The following PAK5 variants were observed in gnomAD, a reference collection of about 807,000 sequenced individuals.
PAK5 encodes the protein p21 (RAC1) activated kinase 5, also known as serine/threonine-protein kinase PAK 5.
A neutral mutation model predicts 65.9 loss-of-function variants in PAK5; 16 were observed. The observed-to-expected ratio is 0.24, with a 90% CI of 0.16 to 0.37. PAK5 has a LOEUF of 0.37. Ranked by LOEUF, PAK5 falls within the 10% of genes least tolerant of loss-of-function variation. PAK5 has a pLI of 1.00. For synonymous variants in PAK5, 371 were observed against 354.9 expected, an observed-to-expected ratio of 1.05 and a Z score of -0.51; for missense variants, 785 against 903.9, an observed-to-expected ratio of 0.87 and a Z score of 1.69.
At chr20:9,772,284 G>T in intron 1 of PAK5, among the ~76,000 whole-genome samples, 1 of 152,160 alleles carries the variant, frequency 6.6e-6, no homozygotes, top group Middle Eastern at 3.2e-3. Context: ...AGCTGGGGGA[G>T]GTATAATTGG....
At chr20:9,836,440 C>T (rs1350422298) in intron 1 of PAK5, among the ~76,000 whole-genome samples, 3 of 152,116 alleles carry the variant, frequency 2.0e-5, no homozygotes, top group Admixed American at 1.3e-4. Flanking sequence ...GAGGAAGATG[C>T]CATGTGAATA....
intron 1 of PAK5, among the ~76,000 whole-genome samples, chr20:9,786,950 T>C (rs1223243434): frequency 6.6e-6 from 1 of 152,166 alleles, no homozygotes; most frequent in Non-Finnish European, 1.5e-5. Context: ...TAAATAGATT[T>C]AAAATAGGCT....
rs747524567 is a variant in PAK5, at chr20:9,566,211, C to G, written c.1164G>C (p.Leu388=). Reference sequence around the variant, plus strand: ...TGGAGATGTACTGCGAACTGCTCTGCAGGGAGGGGTGATGGTACAAGGTGG... The same window carrying G: ...TGGAGATGTACTGCGAACTGCTCTGGAGGGAGGGGTGATGGTACAAGGTGG... ...HKATLYHHPS[L]QSSSQYISTA... Residue 388 remains leucine, a synonymous_variant, in exon 5 of 10, where the codon CTG becomes CTC. Transcript: ENST00000353224. 17 of 1,613,668 alleles carry G rather than the reference C, an allele frequency of 1.1e-5. No individual in the cohort carries two copies. The highest frequency in any genetic ancestry group is 3.3e-4 in the Middle Eastern group (2 of 6,082).
At chr20:9,737,684 T>C (rs904245516) in intron 1 of PAK5, among the ~76,000 whole-genome samples, 5 of 152,192 alleles carry the variant, frequency 3.3e-5, no homozygotes, top group African/African-American at 1.2e-4. Context: ...CTTTAATGAA[T>C]AGCCCTTCAT....
intron 2 of PAK5, among the ~76,000 whole-genome samples, chr20:9,685,866 G>T (rs1798487479): frequency 6.6e-6 from 1 of 152,144 alleles, no homozygotes; most frequent in African/African-American, 2.4e-5. Flanking sequence ...TCTGTGTTAT[G>T]AAGTACAGCC....
intron 2 of PAK5, among the ~76,000 whole-genome samples, chr20:9,689,144 C>G (rs1203869182): frequency 1.3e-5 from 2 of 152,194 alleles, no homozygotes; most frequent in Non-Finnish European, 2.9e-5. Context: ...ACATTTCTCT[C>G]CTCAGGTACT....
At chr20:9,761,658 T>C (rs2048701569) in intron 1 of PAK5, among the ~76,000 whole-genome samples, 1 of 152,148 alleles carries the variant, frequency 6.6e-6, no homozygotes, top group South Asian at 2.1e-4. Context: ...TACAAAGCTA[T>C]AGTAATCAAA....
intron 7 of PAK5, among the ~76,000 whole-genome samples, chr20:9,554,507 C>T (rs1454236872): frequency 6.6e-6 from 1 of 152,150 alleles, no homozygotes; most frequent in African/African-American, 2.4e-5. Flanking sequence ...TATCTAACCA[C>T]AAGTCAGAGC....
intron 1 of PAK5, among the ~76,000 whole-genome samples, chr20:9,814,196 A>G (rs559986160): frequency 5.1e-4 from 78 of 152,264 alleles, no homozygotes; most frequent in Non-Finnish European, 9.3e-4. Context: ...AGAAAAGGGT[A>G]CTATAAACAA....
At chr20:9,737,561 C>T (rs1355877291) in intron 1 of PAK5, among the ~76,000 whole-genome samples, 2 of 152,016 alleles carry the variant, frequency 1.3e-5, no homozygotes, top group Non-Finnish European at 2.9e-5. Context: ...AATGCTATCT[C>T]AATAACTGAT....
intron 2 of PAK5, among the ~76,000 whole-genome samples, chr20:9,709,752 T>G (rs533990426): frequency 6.6e-6 from 1 of 152,300 alleles, no homozygotes; most frequent in South Asian, 2.1e-4. Context: ...TGCTGAGATC[T>G]TAAAATATCG....
At chr20:9,620,812 C>T (rs2046754088) in intron 3 of PAK5, among the ~76,000 whole-genome samples, 1 of 152,016 alleles carries the variant, frequency 6.6e-6, no homozygotes. Context: ...CTGCATGACG[C>T]CATCAGTCCC....
At chr20:9,542,249 G>A (rs1456408152) in intron 9 of PAK5, among the ~76,000 whole-genome samples, 1 of 152,176 alleles carries the variant, frequency 6.6e-6, no homozygotes, top group African/African-American at 2.4e-5. Flanking sequence ...CATGCACGGT[G>A]ACATCCCAAG....
intron 7 of PAK5, among the ~76,000 whole-genome samples, chr20:9,556,910 A>C (rs2045516146): frequency 6.6e-6 from 1 of 152,178 alleles, no homozygotes; most frequent in Non-Finnish European, 1.5e-5. Flanking sequence ...GGACACTAGA[A>C]GGAAGAAGAG....
intron 3 of PAK5, among the ~76,000 whole-genome samples, chr20:9,596,916 T>C (rs73895919): frequency 6.6e-6 from 1 of 152,330 alleles, no homozygotes; most frequent in African/African-American, 2.4e-5. Context: ...AGGTCTGGCA[T>C]AAGGCTCAAT....
Position 9,801,581 on chromosome 20 carries a change from G to T in PAK5, c.-162+37181C>A, listed in dbSNP as rs1049590515. ...ATGGAGCTTTTAATAGACTTTAATA[G>T]ACTTTTATATTTATAGAATATATAA... On this transcript the variant is annotated intron_variant, in intron 1 of 9. Coordinates refer to ENST00000353224, the MANE Select transcript of PAK5 (RefSeq NM_177990.4). 8.6e-5 allele frequency among the ~76,000 whole-genome samples: 13 copies of T among 150,880 alleles called. No homozygotes were observed. The East Asian group carries it at 1.8e-3, about 20-fold the overall frequency.
chr20:9,832,272 A>G (rs1330947559), intron 1 of PAK5, among the ~76,000 whole-genome samples: 1 of 151,988 alleles, frequency 6.6e-6, no homozygotes, highest in African/African-American at 2.4e-5. Context: ...AAGTTTTGAC[A>G]ACTTTCTTTT....
intron 3 of PAK5, among the ~76,000 whole-genome samples, chr20:9,590,840 C>T (rs999699583): frequency 1.3e-5 from 2 of 152,134 alleles, no homozygotes; most frequent in Non-Finnish European, 2.9e-5. Flanking sequence ...CAACACTGTT[C>T]GCAAATGAGC....
rs113044115 is a variant in PAK5 at position 9,615,391 on chromosome 20, G to A, written c.204+28734C>T. ...ACATGCCACTTTGGTAGAGAATGTC[G>A]ATCAAGGGGGAGGCTGTGCATGTGT... On this transcript the variant is annotated intron_variant, in intron 3 of 9. Coordinates refer to ENST00000353224, the MANE Select transcript of PAK5 (RefSeq NM_177990.4). Among the ~76,000 whole-genome samples, 115 of 152,276 alleles carry A rather than the reference G, an allele frequency of 7.6e-4. 1 individual carries two copies. The highest frequency in any genetic ancestry group is 2.6e-3 in the African/African-American group (107 of 41,532).
Sources: gnomAD v4.1 joint callset for allele counts (sites outside exome capture counted in the v4.1 genomes callset) on GRCh38, gnomAD v4.1.1 for gene constraint, MANE v1.5 for transcripts, NCBI Gene and HGNC (gene_info 2026-07-23, HGNC 2026-07-21) for gene names.